Variants in ARHGEF12 observed in about 807,000 individuals in gnomAD.
The protein encoded by ARHGEF12 is KMT2A/ARHGEF12 fusion protein.
Under a neutral mutation model 211.2 loss-of-function variants are expected in ARHGEF12, and 66 were observed. The observed-to-expected ratio is 0.31, with a 90% confidence interval of 0.26 to 0.38. The LOEUF (loss-of-function observed/expected upper bound fraction) is 0.38. Ranked by LOEUF, ARHGEF12 falls within the 10% of genes least tolerant of loss-of-function variation. ARHGEF12 has a pLI of 1.00. For missense variants in ARHGEF12, 1,429 were observed against 1,869.5 expected (o/e 0.76, Z 4.34); for synonymous variants, 592 against 638.4 (o/e 0.93, Z 1.09).
chr11:120,407,455 C>T (rs1294505978), intron 2 of ARHGEF12, among the ~76,000 whole-genome samples: 1 of 152,012 alleles, frequency 6.6e-6, no homozygotes, highest in African/African-American at 2.4e-5. Context: ...TAGTATTGAC[C>T]TGTGAAAACC....
intron 39 of ARHGEF12, among the ~76,000 whole-genome samples, chr11:120,483,582 C>T (rs1194858138): frequency 6.6e-6 from 1 of 151,814 alleles, no homozygotes; most frequent in Non-Finnish European, 1.5e-5. Flanking sequence ...CGCCACCACA[C>T]CCAGCTAATT....
At chr11:120,475,589 A>G (rs1411766950) in intron 33 of ARHGEF12, 82 bp downstream of exon 33, 6 of 1,409,224 alleles carry the variant, frequency 4.3e-6, no homozygotes, top group Middle Eastern at 1.8e-4. Context: ...TCAATAACAC[A>G]AGTGGCATAG....
chr11:120,406,917 G>T (rs1944722733), intron 2 of ARHGEF12, among the ~76,000 whole-genome samples: 1 of 152,170 alleles, frequency 6.6e-6, no homozygotes, highest in South Asian at 2.1e-4. Context: ...ATGTATCTAT[G>T]CCTATATCCA....
At chr11:120,348,881 T>C (rs1449309993) in intron 1 of ARHGEF12, among the ~76,000 whole-genome samples, 1 of 152,158 alleles carries the variant, frequency 6.6e-6, no homozygotes, top group African/African-American at 2.4e-5. Flanking sequence ...AGGCTGTGCA[T>C]ATAGAGTGTA....
rs371914919 is a variant in ARHGEF12, at chr11:120,477,239, G to A, written c.3386G>A (p.Arg1129Gln). Residue 1129 changes from arginine (R) to glutamine (Q), a missense_variant, in exon 35 of 41, where the codon CGG (arginine) becomes CAG (glutamine). Transcript: ENST00000397843. The part of the protein sequence containing the change: ...EKTVWQDLIC[R>Q]MAASVKEQST... The stretch of plus-strand genomic sequence containing the variant: ...TGAAGCTGGCAGGACCTAATCTGTC[G>A]GATGGCTGCATCAGTGAAGGAGCAA... The A allele has an allele frequency of 2.2e-5, 35 of 1,613,642 alleles. No homozygotes were observed. Among genetic ancestry groups the A allele is most frequent in the East Asian group, 1.6e-4 (7 of 44,862 alleles).
In ARHGEF12 at chr11:120,390,820, C is replaced by G. The variant is rs189060030; in HGVS notation, c.33-15298C>G. Among the ~76,000 whole-genome samples, 1,420 of 152,242 alleles carry G rather than the reference C, an allele frequency of 9.3e-3. 12 individuals are homozygous for G. The highest frequency in any genetic ancestry group is 0.016 in the Non-Finnish European group (1,103 of 68,000). ...AGGTTTTGAATCTAAGCTCCCTCTT[C>G]TACTAGTTATATAACTTGTATATGT... On this transcript the variant is annotated intron_variant, in intron 1 of 40. Coordinates refer to ENST00000397843, the MANE Select transcript of ARHGEF12 (RefSeq NM_015313.3).
At chr11:120,349,848 T>A (rs185796631) in intron 1 of ARHGEF12, among the ~76,000 whole-genome samples, 1 of 152,362 alleles carries the variant, frequency 6.6e-6, no homozygotes, top group African/African-American at 2.4e-5. Flanking sequence ...GTGGCTAAGA[T>A]AGTTTTTTTC....
intron 32 of ARHGEF12, 27 bp from the exon 33 acceptor site, chr11:120,475,313 C>G: frequency 6.2e-7 from 1 of 1,604,252 alleles, no homozygotes; most frequent in Non-Finnish European, 8.5e-7. Flanking sequence ...CTGTACTTAC[C>G]ATTTTTTTCT....
At chr11:120,425,758 C>CT (rs1276788536) in intron 7 of ARHGEF12, among the ~76,000 whole-genome samples, 41 of 101,188 alleles carry the variant, frequency 4.1e-4, no homozygotes, top group Non-Finnish European at 4.7e-4. Context: ...TATTGTATCT[C>CT]TTAAAAAAAA....
intron 22 of ARHGEF12, among the ~76,000 whole-genome samples, chr11:120,455,635 T>A (rs1946339662): frequency 6.6e-6 from 1 of 152,094 alleles, no homozygotes; most frequent in Admixed American, 6.6e-5. Context: ...TGTCCTGGGA[T>A]CCAGGAAACA....
At chr11:120,359,082 A>G (rs1591497595) in intron 1 of ARHGEF12, among the ~76,000 whole-genome samples, 2 of 152,130 alleles carry the variant, frequency 1.3e-5, no homozygotes, top group African/African-American at 4.8e-5. Flanking sequence ...TTAGCCAGAG[A>G]GGGAGGTAGA....
At chr11:120,477,384 T>C in intron 35 of ARHGEF12, 63 bp from the exon 36 acceptor site, 3 of 1,600,574 alleles carry the variant, frequency 1.9e-6, no homozygotes, top group Non-Finnish European at 2.6e-6. Context: ...TTATGTTTTG[T>C]TGCGATGATG....
intron 33 of ARHGEF12, 118 bp downstream of exon 33, chr11:120,475,625 G>A (rs1243823512): frequency 1.9e-6 from 2 of 1,065,602 alleles, no homozygotes; most frequent in Non-Finnish European, 2.6e-6. Context: ...ATATTCTTAA[G>A]CAAATTACAT....
At position 120,475,381 on chromosome 11, in the gene ARHGEF12, C is replaced by G; in HGVS notation, c.3151C>G (p.Gln1051Glu). ...GCTGGAAGACATTCTTGTATTGTTACAAAAGCAGGATGATAGACTGGTTTT... is the reference window on the plus strand; with the variant it reads ...GCTGGAAGACATTCTTGTATTGTTAGAAAAGCAGGATGATAGACTGGTTTT... ...LLLEDILVLL[Q>E]KQDDRLVLRC... The change falls in exon 33 of 41, where the codon CAA (glutamine) becomes GAA (glutamate). Residue 1051 changes from glutamine to glutamate, a missense_variant. By Grantham distance (29) the Gln-to-Glu change is conservative. Around this residue, in one of 7 missense-constraint regions of ARHGEF12, gnomAD observed 223 missense variants for 444.6 expected, o/e 0.50. Coordinates refer to ENST00000397843, the MANE Select transcript of ARHGEF12 (RefSeq NM_015313.3). The G allele has an allele frequency of 6.2e-7, 1 of 1,614,008 alleles. No homozygotes were observed. The highest frequency in any genetic ancestry group is 8.5e-7 in the Non-Finnish European group (1 of 1,179,962).
intron 13 of ARHGEF12, 63 bp from the exon 14 acceptor site, chr11:120,441,644 G>A (rs1201799954): frequency 3.0e-6 from 4 of 1,320,480 alleles, no homozygotes; most frequent in African/African-American, 1.5e-5. Context: ...GTTCAATTGA[G>A]CCTACTTTGC....
At chr11:120,438,381 GATCCACCCGC>G (rs1301671293) in intron 12 of ARHGEF12, 2 of 152,010 alleles carry the variant, frequency 1.3e-5, no homozygotes, top group Admixed American at 6.6e-5. Context: ...GACCTCAGGT[GATCCACCCGC>G]CTCAGCCTCC....
chr11:120,426,865 TTTTTGTTTTTG>T (rs953272120), intron 7 of ARHGEF12, among the ~76,000 whole-genome samples: 8 of 96,094 alleles, frequency 8.3e-5, no homozygotes, highest in South Asian at 6.4e-4. Flanking sequence ...ATGGTGTTTT[TTTTTGTTTTTG>T]TTTTTGTTTT....
chr11:120,484,641 A>G (rs1947351746), intron 40 of ARHGEF12, 134 bp downstream of exon 40: 2 of 803,700 alleles, frequency 2.5e-6, no homozygotes, highest in East Asian at 2.7e-5. Flanking sequence ...CTGTTTCTAA[A>G]CATCAGATAT....
intron 30 of ARHGEF12, among the ~76,000 whole-genome samples, chr11:120,472,046 T>A (rs1946883218): frequency 6.6e-6 from 1 of 152,212 alleles, no homozygotes; most frequent in South Asian, 2.1e-4. Context: ...TTTTACATCC[T>A]GTAGTCATTT....
Sources: gnomAD v4.1 joint callset for allele counts (sites outside exome capture counted in the v4.1 genomes callset) on GRCh38, gnomAD v4.1.1 for gene constraint, gnomAD v4.1.1 regional missense constraint, MANE v1.5 for transcripts, NCBI Gene and HGNC (gene_info 2026-07-23, HGNC 2026-07-21) for gene names.